The following NSDHL variants were observed in gnomAD, a reference collection of about 807,000 sequenced individuals.
NSDHL encodes the protein NAD(P) dependent 3-beta-hydroxysteroid dehydrogenase NSDHL.
In NSDHL, 1 loss-of-function variant was observed where a neutral mutation model predicts 23.0. The observed-to-expected ratio is 0.04, with a 90% CI of 0.02 to 0.21. NSDHL has a LOEUF of 0.21. Ranked by LOEUF, NSDHL falls within the 10% of genes least tolerant of loss-of-function variation. The pLI is 1.00. For missense variants in NSDHL, 237 were observed against 300.9 expected (o/e 0.79, Z 1.57); for synonymous variants, 128 against 121.1 (o/e 1.06, Z -0.37).
intron 7 of NSDHL, among the ~76,000 whole-genome samples, chrX:152,868,314 C>G (rs1399105688): frequency 9.1e-6 from 1 of 110,179 alleles, no homozygotes; most frequent in Non-Finnish European, 1.9e-5. Context: ...ATTTTTTGTA[C>G]TTTTAGTAGA....
intron 7 of NSDHL, among the ~76,000 whole-genome samples, chrX:152,868,151 T>C (rs1184669243): frequency 9.3e-6 from 1 of 108,008 alleles, no homozygotes; most frequent in Non-Finnish European, 1.9e-5. Flanking sequence ...TTTCTTTTTT[T>C]TTTTTTGAGA....
chrX:152,867,547 C>G (rs1933626608), intron 6 of NSDHL, 24 bp from the exon 7 acceptor site: 1 of 1,103,336 alleles, frequency 9.1e-7, no homozygotes, highest in Admixed American at 2.2e-5. Flanking sequence ...AGCACGTATT[C>G]CATCATCCCT....
intron 4 of NSDHL, among the ~76,000 whole-genome samples, chrX:152,859,961 T>C (rs1346099032): frequency 8.9e-6 from 1 of 112,514 alleles, no homozygotes; most frequent in Non-Finnish European, 1.9e-5. Flanking sequence ...GAATTGTCTT[T>C]AGAGGACTCC....
At chrX:152,863,815 C>G (rs781964696) in intron 5 of NSDHL, among the ~76,000 whole-genome samples, 1 of 112,118 alleles carries the variant, frequency 8.9e-6, no homozygotes, top group African/African-American at 3.2e-5. Flanking sequence ...ATCACACCCA[C>G]TGAGGTTTTC....
chrX:152,839,569 G>T (rs1429278764), intron 1 of NSDHL, among the ~76,000 whole-genome samples: 1 of 112,071 alleles, frequency 8.9e-6, no homozygotes, highest in Non-Finnish European at 1.9e-5. Context: ...GCTTAGTTTG[G>T]CTGGATATGA....
In NSDHL at chrX:152,869,222, G is replaced by A; in HGVS notation, c.*106G>A. The A allele has an allele frequency of 1.5e-6, 1 of 680,859 alleles. No homozygotes were observed. Among genetic ancestry groups the A allele is most frequent in the Non-Finnish European group, 2.3e-6 (1 of 433,946 alleles). The allele number at this position is 680,859 out of a possible 1,213,427, so 56.1% of individuals were successfully genotyped here. ...TTGAATGAGTTTGCTCTGAGCCTGT[G>A]ACTCCTTCTGCTAGGCAGAGAGCGC... On this transcript the variant is annotated 3_prime_UTR_variant, in exon 8 of 8. Coordinates refer to ENST00000370274, the MANE Select transcript of NSDHL (RefSeq NM_015922.3).
intron 2 of NSDHL, 83 bp from the exon 3 acceptor site, chrX:152,850,182 T>A: frequency 2.0e-6 from 2 of 979,514 alleles, no homozygotes; most frequent in Non-Finnish European, 1.5e-6. Flanking sequence ...GCCATTGCAG[T>A]GGCTCATGAT....
chrX:152,834,658 G>A (rs782148899), intron 1 of NSDHL, among the ~76,000 whole-genome samples: 116 of 112,741 alleles, frequency 1.0e-3, no homozygotes, highest in African/African-American at 3.4e-3. Context: ...TGCCGCCTCA[G>A]GTGAATCCTT....
At chrX:152,839,336 T>C (rs781856229) in intron 1 of NSDHL, among the ~76,000 whole-genome samples, 106 of 112,295 alleles carry the variant, frequency 9.4e-4, no homozygotes, top group African/African-American at 3.1e-3. Flanking sequence ...TTTGATCCTG[T>C]CATTATGATG....
Position 152,847,014 on chromosome X carries a change from A to T in NSDHL, c.108+582A>T, listed in dbSNP as rs144381023. Among the ~76,000 whole-genome samples the T allele has an allele frequency of 8.9e-3, 999 of 112,376 alleles. 11 individuals are homozygous for T. Among genetic ancestry groups the T allele is most frequent in the African/African-American group, 0.03 (935 of 30,954 alleles). On this transcript the variant is annotated intron_variant, in intron 2 of 7. Coordinates refer to ENST00000370274, the MANE Select transcript of NSDHL (RefSeq NM_015922.3). ...TCTTAATCAGTGCTGCACTTCAAAA[A>T]TGTGGCTGGGCACGGTGTCTCACAC...
At chrX:152,852,460 C>G (rs1933372368) in intron 3 of NSDHL, among the ~76,000 whole-genome samples, 1 of 111,103 alleles carries the variant, frequency 9.0e-6, no homozygotes, top group South Asian at 3.9e-4. Flanking sequence ...AGGGTAATCT[C>G]CTTACTTAAA....
rs138343305 is a variant in NSDHL, at chrX:152,853,170, T to A, written c.267+2747T>A. On this transcript the variant is annotated intron_variant, in intron 3 of 7. Transcript: ENST00000370274. ...GTGTGTGTGAGCGTATGTGTGTGTA[T>A]GCCTGCTGGACATCCCTGTTTGGAT... Among the ~76,000 whole-genome samples, 66 of 107,509 alleles carry A rather than the reference T, an allele frequency of 6.1e-4. No homozygotes were observed. In the East Asian group the frequency reaches 0.012, roughly 19 times the overall value. 93.4% of individuals were successfully genotyped at this position (107,509 alleles called of 115,157 possible).
At chrX:152,856,701 T>C (rs979035703) in intron 3 of NSDHL, among the ~76,000 whole-genome samples, 1 of 112,478 alleles carries the variant, frequency 8.9e-6, no homozygotes, top group Admixed American at 9.3e-5. Context: ...ATTTGGGACA[T>C]TTTGAGCATT....
chrX:152,841,089 C>T (rs1556844813), intron 1 of NSDHL, among the ~76,000 whole-genome samples: 2 of 113,060 alleles, frequency 1.8e-5, no homozygotes, highest in African/African-American at 6.4e-5. Flanking sequence ...AGCAAGGCTC[C>T]ATGGCCATGG....
In NSDHL at chrX:152,869,276, G is replaced by A. The variant is rs1212262470; in HGVS notation, c.*160G>A. The A allele has an allele frequency of 1.8e-5, 9 of 500,129 alleles. No individual in the cohort carries two copies. The highest frequency in any genetic ancestry group is 3.2e-5 in the Non-Finnish European group (9 of 283,463). The allele number at this position is 500,129 out of a possible 1,213,427, so 41.2% of individuals were successfully genotyped here. A position where few individuals can be genotyped will look rare whatever the true frequency, so the allele number is the denominator to read the frequency against. ...CTACTCTTTCCGTGACGATGAGGGC[G>A]GCAAAAACAGACATTTCTTCCTTCA... is the stretch of plus-strand genomic sequence containing the variant. On this transcript the variant is annotated 3_prime_UTR_variant, in exon 8 of 8. Transcript: ENST00000370274.
intron 5 of NSDHL, 113 bp downstream of exon 5, chrX:152,862,837 T>G: frequency 1.4e-6 from 1 of 712,653 alleles, no homozygotes; most frequent in Non-Finnish European, 2.2e-6. Flanking sequence ...TGATTTGAGA[T>G]GTAAAATTTG....
At chrX:152,835,009 C>T (rs995916212) in intron 1 of NSDHL, among the ~76,000 whole-genome samples, 29 of 111,720 alleles carry the variant, frequency 2.6e-4, no homozygotes, top group Non-Finnish European at 4.1e-4. Flanking sequence ...TCTAGAAGGA[C>T]GGGACGCTCT....
intron 1 of NSDHL, among the ~76,000 whole-genome samples, chrX:152,839,858 T>G: frequency 8.9e-6 from 1 of 112,505 alleles, no homozygotes; most frequent in Non-Finnish European, 1.9e-5. Context: ...CTTGCTAGGT[T>G]GGGGAAGTTC....
chrX:152,848,681 A>G (rs1468634344), intron 2 of NSDHL, among the ~76,000 whole-genome samples: 2 of 112,380 alleles, frequency 1.8e-5, no homozygotes, highest in African/African-American at 6.5e-5. Flanking sequence ...TGCTTTAGTA[A>G]CATATCTAGT....
Sources: gnomAD v4.1 joint callset for allele counts (sites outside exome capture counted in the v4.1 genomes callset) on GRCh38, gnomAD v4.1.1 for gene constraint, MANE v1.5 for transcripts, NCBI Gene and HGNC (gene_info 2026-07-23, HGNC 2026-07-21) for gene names.